PARP10: variants seen among roughly 807,000 people sequenced by gnomAD.
PARP10 encodes poly(ADP-ribose) polymerase family member 10, also known as protein mono-ADP-ribosyltransferase PARP10.
PARP10 carries 56 observed loss-of-function variants against 82.4 expected under a neutral mutation model. The observed-to-expected ratio is 0.68, with a 90% CI of 0.55 to 0.85. The LOEUF is 0.85. Ranked by LOEUF, PARP10 falls within the 40% of genes least tolerant of loss-of-function variation. The pLI is 0.00. For synonymous variants in PARP10, 576 were observed against 601.1 expected (o/e 0.96, Z 0.61); for missense variants, 1,227 against 1,379.4 (o/e 0.89, Z 1.75).
upstream of PARP10, chr8:143,988,757 C>A (rs1834042828): frequency 6.6e-6 from 1 of 152,390 alleles, no homozygotes; most frequent in Non-Finnish European, 1.5e-5. Flanking sequence ...CGTAAGCCAC[C>A]GCGCCCAGCA....
In PARP10 at chr8:143,984,248, G is replaced by A. The variant is rs781787443; in HGVS notation, c.1642C>T (p.Arg548Cys). The part of the protein sequence containing the change: ...AQFQCVFGTE[R>C]LATATLDTGL... ...GTGTCCAACGTGGCTGTGGCCAGGCGCTCTGTCCCAAAGACACACTGGAAC... is the reference window on the plus strand; with the variant it reads ...GTGTCCAACGTGGCTGTGGCCAGGCACTCTGTCCCAAAGACACACTGGAAC... Residue 548 changes from arginine to cysteine, a missense_variant, in exon 6 of 11, where the codon CGC becomes TGC. Transcript: ENST00000313028. 1.5e-5 allele frequency: 25 copies of A among 1,613,830 alleles called. No homozygotes were observed. Among genetic ancestry groups the A allele is most frequent in the Non-Finnish European group, 1.6e-5 (19 of 1,179,906 alleles).
chr8:143,983,944 C>A, intron 7 of PARP10, 64 bp downstream of exon 7: 1 of 1,475,072 alleles, frequency 6.8e-7, no homozygotes, highest in South Asian at 1.4e-5. Flanking sequence ...GAGCACAGAG[C>A]AGGGCAGGGG....
intron 1 of PARP10, among the ~76,000 whole-genome samples, chr8:144,006,189 G>A (rs547278215): frequency 4.6e-5 from 7 of 152,322 alleles, no homozygotes; most frequent in South Asian, 2.1e-4. Flanking sequence ...TGTGTCCTGC[G>A]GGACCCGTGA....
At chr8:143,992,715 G>C (rs1481224837), upstream of PARP10, 2 of 1,613,790 alleles carry the variant, frequency 1.2e-6, no homozygotes, top group Admixed American at 1.7e-5. Flanking sequence ...ACACCCAGCT[G>C]CTACTGGGGA....
In PARP10 at chr8:143,983,527, G is replaced by C; in HGVS notation, c.2062C>G (p.Leu688Val). 6.2e-7 allele frequency: 1 copy of C among 1,605,982 alleles called. No individual in the cohort carries two copies. The highest frequency in any genetic ancestry group is 8.5e-7 in the Non-Finnish European group (1 of 1,176,602). Residue 688 changes from leucine (L) to valine (V), a missense_variant, in exon 8 of 11, where the codon CTG (leucine) becomes GTG (valine). Leu to Val is a conservative substitution (Grantham distance 32). Transcript: ENST00000313028. ...ALRQALTLSL[L>V]EQPPLEAEEP... is the part of the protein sequence containing the mutation. ...TCTGCCTCCAACGGGGGCTGCTCCAGCAGGGAGAGGGTTAGGGCTTGCCGC... is the reference window on the plus strand; with the variant it reads ...TCTGCCTCCAACGGGGGCTGCTCCACCAGGGAGAGGGTTAGGGCTTGCCGC...
At position 143,984,064 on chromosome 8, in the gene PARP10, G is replaced by A. The variant is rs782771645; in HGVS notation, c.1721C>T (p.Ala574Val). The A allele has an allele frequency of 6.5e-7, 1 of 1,548,266 alleles. No homozygotes were observed. The stretch of plus-strand genomic sequence containing the variant: ...ACTGTCTGGGGTCCACAGGGTGTGG[G>A]CGTTGCCAGGGAGCACTGGGAGGGC... ...TEALPVLPGN[A>V]HTLWTPDSTG... The change falls in exon 7 of 11, where the codon GCC (alanine) becomes GTC (valine). Residue 574 changes from alanine to valine, a missense_variant. Ala to Val is a moderately conservative substitution (Grantham distance 64, BLOSUM62 0). Transcript: ENST00000313028.
At position 143,983,663 on chromosome 8, in the gene PARP10, G is replaced by A. The variant is rs1554748352; in HGVS notation, c.1926C>T (p.Pro642=). 6.2e-7 allele frequency: 1 copy of A among 1,608,282 alleles called. No homozygotes were observed. Among genetic ancestry groups the A allele is most frequent in the South Asian group, 1.1e-5 (1 of 90,038 alleles). ...CCAGCCACCTGGGTGCCACAGTGCT[G>A]GGGGCCACAGGCTCCTCCTCCTCAT... The part of the protein sequence containing the change: ...PGHEEEEPVA[P]STVAPRWLEE... Residue 642 remains proline, a synonymous_variant, in exon 8 of 11, where the codon CCC becomes CCT. Transcript: ENST00000313028.
intron 1 of PARP10, among the ~76,000 whole-genome samples, chr8:144,000,912 T>G (rs1469173969): frequency 7.1e-6 from 1 of 141,368 alleles, no homozygotes; most frequent in Non-Finnish European, 1.6e-5. Context: ...GTGTGTGTTT[T>G]TTTTTTTTTT....
Position 143,986,460 on chromosome 8 carries a change from T to C in PARP10, c.-101A>G. The C allele has an allele frequency of 6.3e-7, 1 of 1,592,576 alleles. No individual in the cohort carries two copies. On this transcript the variant is annotated 5_prime_UTR_variant, in exon 1 of 11. Transcript: ENST00000313028. ...CCTGCTGGGAGCAGGAAAACAAAAGTGAAACTGAAAGACGGAAGGAGGGAG... is the reference window on the plus strand; with the variant it reads ...CCTGCTGGGAGCAGGAAAACAAAAGCGAAACTGAAAGACGGAAGGAGGGAG...
At chr8:143,979,067 G>A (rs948047422) in intron 9 of PARP10, among the ~76,000 whole-genome samples, 6 of 152,034 alleles carry the variant, frequency 3.9e-5, no homozygotes, top group Admixed American at 6.5e-5. Context: ...CCGCCTCCCG[G>A]GTTCACGCCA....
upstream of PARP10, chr8:143,991,844 C>T: frequency 6.2e-7 from 1 of 1,609,350 alleles, no homozygotes; most frequent in South Asian, 1.1e-5. Flanking sequence ...GGCTGTGGCT[C>T]CCAGCGGATG....
At chr8:143,996,296 C>G (rs781979504) in intron 1 of PARP10, among the ~76,000 whole-genome samples, 2 of 152,194 alleles carry the variant, frequency 1.3e-5, no homozygotes, top group Non-Finnish European at 2.9e-5. Flanking sequence ...AAATATTAAA[C>G]CCACACTTGA....
chr8:143,978,181 G>A, intron 9 of PARP10, 100 bp from the exon 10 acceptor site: 1 of 1,350,024 alleles, frequency 7.4e-7, no homozygotes, highest in East Asian at 2.6e-5. Flanking sequence ...TCTGTTGGAG[G>A]AGTCCAGGGT....
Position 143,977,989 on chromosome 8 carries a change from C to G in PARP10, c.2649G>C (p.Gln883His). The G allele has an allele frequency of 6.3e-7, 1 of 1,595,366 alleles. No homozygotes were observed. Among genetic ancestry groups the G allele is most frequent in the Middle Eastern group, 1.7e-4 (1 of 5,858 alleles). ...GTGCCGTCGTGCCGTGGTACAGCAC[C>G]TGCTCCACCGGGCGCCGCTCGCATC... Reference protein sequence around the residue: ...LQRCERRPVEQVLYHGTTAPA... With the variant: ...LQRCERRPVEHVLYHGTTAPA... Residue 883 changes from glutamine to histidine, a missense_variant, in exon 10 of 11, where the codon CAG becomes CAC. Gln to His is a conservative substitution (Grantham distance 24). Transcript: ENST00000313028.
In PARP10 at chr8:143,986,411, T is replaced by C; in HGVS notation, c.-52A>G. On this transcript the variant is annotated 5_prime_UTR_variant, in exon 1 of 11. Transcript: ENST00000313028. The stretch of plus-strand genomic sequence containing the variant: ...GCCATGAGCTCAGCCAGGACTCCTG[T>C]GCCTGCCCCTCAGCAAGCCTAACCC... 3 of 1,613,970 alleles carry C rather than the reference T, an allele frequency of 1.9e-6. No homozygotes were observed. The highest frequency in any genetic ancestry group is 1.1e-5 in the South Asian group (1 of 91,074).
chr8:143,983,735 C>A lies in PARP10; in HGVS notation c.1854G>T (p.Glu618Asp). The A allele has an allele frequency of 6.2e-7, 1 of 1,612,084 alleles. No homozygotes were observed. The highest frequency in any genetic ancestry group is 8.5e-7 in the Non-Finnish European group (1 of 1,179,202). ...CTGGCTGCTCCTGAGGCCCTTCCTC[C>A]TCCAGCTCCCGAGGCAGCCAGTCCT... ...DGEDWLPREL[E>D]EEGPQEQPEE... The change falls in exon 8 of 11, where the codon GAG becomes GAT. Residue 618 changes from glutamate (E) to aspartate (D), a missense_variant. Physicochemically the swap from Glu to Asp is conservative, Grantham distance 45. Transcript: ENST00000313028.
chr8:143,984,147 G>A (rs1554748537), intron 6 of PARP10, 43 bp from the exon 7 acceptor site: 4 of 1,573,270 alleles, frequency 2.5e-6, no homozygotes, highest in Non-Finnish European at 3.5e-6. Flanking sequence ...CTGGGCAAGG[G>A]CAGAGGAGGC....
At chr8:144,012,408 C>G (rs1046825785) in intron 1 of PARP10, 2 of 950,298 alleles carry the variant, frequency 2.1e-6, no homozygotes, top group Non-Finnish European at 3.2e-6. Flanking sequence ...ACTGGGCCAG[C>G]CTTGCAGACT....
At chr8:144,000,627 C>T (rs1834194797) in intron 1 of PARP10, among the ~76,000 whole-genome samples, 1 of 152,076 alleles carries the variant, frequency 6.6e-6, no homozygotes, top group East Asian at 1.9e-4. Context: ...TGGACTCCAT[C>T]TCAAAAACAA....
Sources: allele counts gnomAD v4.1 joint callset (sites outside exome capture counted in the v4.1 genomes callset), GRCh38; gene constraint gnomAD v4.1.1; transcripts MANE v1.5; gene names NCBI Gene and HGNC (gene_info 2026-07-23, HGNC 2026-07-21).